Variants in SEPTIN7 observed in about 807,000 individuals in gnomAD.
The protein encoded by SEPTIN7 is septin-7.
Under a neutral mutation model 63.3 loss-of-function variants are expected in SEPTIN7, and 10 were observed. The ratio of observed to expected loss-of-function variants is 0.16; its 90% CI spans 0.10 to 0.27. The LOEUF (loss-of-function observed/expected upper bound fraction) is 0.27. Among genes scored for constraint, SEPTIN7 ranks in the 10% least tolerant of loss-of-function variants. The pLI is 1.00. For synonymous variants in SEPTIN7, 131 were observed against 165.3 expected (o/e 0.79, Z 1.59); for missense variants, 310 against 521.0 (o/e 0.59, Z 3.94).
At chr7:35,828,128 C>A (rs1783612774) in intron 1 of SEPTIN7, among the ~76,000 whole-genome samples, 1 of 152,078 alleles carries the variant, frequency 6.6e-6, no homozygotes, top group South Asian at 2.1e-4. Flanking sequence ...TAATTACATG[C>A]AAATAATTGT....
intron 1 of SEPTIN7, among the ~76,000 whole-genome samples, chr7:35,818,344 C>T (rs768373688): frequency 1.3e-5 from 2 of 151,896 alleles, no homozygotes; most frequent in Non-Finnish European, 2.9e-5. Context: ...TGGTGTATAA[C>T]CCCTTTTTAT....
At chr7:35,802,556 A>G (rs1249207484) in intron 1 of SEPTIN7, among the ~76,000 whole-genome samples, 1 of 152,248 alleles carries the variant, frequency 6.6e-6, no homozygotes, top group East Asian at 1.9e-4. Context: ...CATCTAAATT[A>G]CTAAGCATCT....
intron 8 of SEPTIN7, among the ~76,000 whole-genome samples, chr7:35,882,891 T>C (rs967531466): frequency 1.2e-4 from 18 of 152,240 alleles, no homozygotes; most frequent in Non-Finnish European, 2.1e-4. Context: ...CGTTCTGTTA[T>C]GTTTTAATTG....
intron 4 of SEPTIN7, among the ~76,000 whole-genome samples, chr7:35,871,891 A>G (rs1786174114): frequency 6.6e-6 from 1 of 152,194 alleles, no homozygotes; most frequent in Non-Finnish European, 1.5e-5. Context: ...ACAGCAGCAT[A>G]TGCCCAGGAT....
At chr7:35,876,472 A>G (rs1238873840) in intron 6 of SEPTIN7, among the ~76,000 whole-genome samples, 3 of 152,336 alleles carry the variant, frequency 2.0e-5, no homozygotes, top group Admixed American at 2.0e-4. Flanking sequence ...TGAATATTTC[A>G]TGGCATTTAT....
intron 1 of SEPTIN7, among the ~76,000 whole-genome samples, chr7:35,817,955 T>TA (rs1440954456): frequency 6.6e-6 from 1 of 151,978 alleles, no homozygotes; most frequent in Non-Finnish European, 1.5e-5. Context: ...AAATACTACT[T>TA]ACATTACTTT....
At chr7:35,806,709 A>G (rs1466637399) in intron 1 of SEPTIN7, among the ~76,000 whole-genome samples, 1 of 152,174 alleles carries the variant, frequency 6.6e-6, no homozygotes, top group Non-Finnish European at 1.5e-5. Flanking sequence ...GCCCCAGGTA[A>G]CCACTGATAA....
chr7:35,832,283 C>T (rs1024737228), intron 2 of SEPTIN7, among the ~76,000 whole-genome samples: 3 of 151,998 alleles, frequency 2.0e-5, no homozygotes, highest in African/African-American at 7.2e-5. Flanking sequence ...ATCACAAGAG[C>T]CTTCAAGAGT....
chr7:35,850,617 C>T (rs1784911758), intron 3 of SEPTIN7, among the ~76,000 whole-genome samples: 1 of 152,192 alleles, frequency 6.6e-6, no homozygotes, highest in African/African-American at 2.4e-5. Context: ...GATACTCCAT[C>T]TTTCAAAGCC....
intron 11 of SEPTIN7, among the ~76,000 whole-genome samples, chr7:35,892,040 C>G (rs1362690189): frequency 6.6e-6 from 1 of 152,112 alleles, no homozygotes; most frequent in Non-Finnish European, 1.5e-5. Flanking sequence ...AATCTATGGG[C>G]CACCATCATA....
At chr7:35,863,774 A>G in intron 4 of SEPTIN7, 116 bp downstream of exon 4, 3 of 513,134 alleles carry the variant, frequency 5.8e-6, no homozygotes, top group Non-Finnish European at 3.3e-6. Context: ...GTCCTTAGCC[A>G]GTGTATGATG....
rs538342784 is a variant in SEPTIN7, at chr7:35,897,916, A to G, written c.999-332A>G. On this transcript the variant is annotated intron_variant, in intron 11 of 13. Coordinates refer to ENST00000350320, the MANE Select transcript of SEPTIN7 (RefSeq NM_001788.6). ...CTCATTTTCTATTTTTCATGGTAAAATGTTGTTTGAAGAACAAAATTAAAT... is the reference window on the plus strand; with the variant it reads ...CTCATTTTCTATTTTTCATGGTAAAGTGTTGTTTGAAGAACAAAATTAAAT... Among the ~76,000 whole-genome samples the G allele has an allele frequency of 4.6e-5, 7 of 152,176 alleles. No homozygotes were observed. The East Asian group carries it at 1.4e-3, about 29-fold the overall frequency.
chr7:35,860,221 A>C (rs2116127405), intron 3 of SEPTIN7, among the ~76,000 whole-genome samples: 1 of 152,012 alleles, frequency 6.6e-6, no homozygotes, highest in East Asian at 1.9e-4. Context: ...AATCTAACTT[A>C]AATCACATTG....
chr7:35,868,741 G>A (rs942326329), intron 4 of SEPTIN7, among the ~76,000 whole-genome samples: 4 of 152,152 alleles, frequency 2.6e-5, no homozygotes, highest in African/African-American at 9.7e-5. Context: ...AGAGATTGAC[G>A]ATAGAGGGGA....
intron 2 of SEPTIN7, 130 bp from the exon 3 acceptor site, chr7:35,832,668 C>T (rs1248111253): frequency 7.3e-6 from 5 of 687,560 alleles, no homozygotes; most frequent in Non-Finnish European, 1.1e-5. Flanking sequence ...TTGATAATGC[C>T]ATGAAAGTAG....
chr7:35,887,246 T>C (rs1787316170), intron 10 of SEPTIN7, among the ~76,000 whole-genome samples: 1 of 152,234 alleles, frequency 6.6e-6, no homozygotes, highest in Non-Finnish European at 1.5e-5. Flanking sequence ...GCCTAGTGCT[T>C]GACACAATGG....
At chr7:35,845,761 C>T (rs1017839020) in intron 3 of SEPTIN7, among the ~76,000 whole-genome samples, 1 of 152,028 alleles carries the variant, frequency 6.6e-6, no homozygotes, top group Non-Finnish European at 1.5e-5. Context: ...ATCTTGTTTT[C>T]CCTGGACTGT....
At chr7:35,859,635 A>G (rs1436232113) in intron 3 of SEPTIN7, among the ~76,000 whole-genome samples, 3 of 152,174 alleles carry the variant, frequency 2.0e-5, no homozygotes, top group Admixed American at 6.5e-5. Flanking sequence ...TCTCCCATTA[A>G]TTCTACCAAT....
intron 7 of SEPTIN7, among the ~76,000 whole-genome samples, chr7:35,880,203 C>CTTTTTTT (rs1299770800): frequency 2.2e-5 from 2 of 90,490 alleles, no homozygotes; most frequent in African/African-American, 4.3e-5. Context: ...TTTCTCTTTT[C>CTTTTTTT]TTTTCTTTTT....
Sources: gnomAD v4.1 joint callset for allele counts (sites outside exome capture counted in the v4.1 genomes callset) on GRCh38, gnomAD v4.1.1 for gene constraint, MANE v1.5 for transcripts, NCBI Gene and HGNC (gene_info 2026-07-23, HGNC 2026-07-21) for gene names.